Variants in CNTN5 observed in about 807,000 individuals in gnomAD.
The protein encoded by CNTN5 is contactin-5.
A neutral mutation model predicts 129.1 loss-of-function variants in CNTN5; 77 were observed. The ratio of observed to expected loss-of-function variants is 0.60; its 90% CI spans 0.50 to 0.72. The LOEUF (loss-of-function observed/expected upper bound fraction) is 0.72, where lower values mean the gene tolerates loss of function less well. CNTN5 is among the 30% of genes least tolerant of loss of function. CNTN5 has a pLI of 0.00. For missense variants in CNTN5, 1,478 were observed against 1,328.8 expected (o/e 1.11, Z -1.75); for synonymous variants, 509 against 465.6 (o/e 1.09, Z -1.20).
intron 2 of CNTN5, among the ~76,000 whole-genome samples, chr11:99,555,173 T>A (rs1948624535): frequency 6.6e-6 from 1 of 152,062 alleles, no homozygotes; most frequent in South Asian, 2.1e-4. Context: ...CGTGTCTATA[T>A]TTTTCAGATG....
chr11:99,276,254 A>G (rs901784058), intron 1 of CNTN5, among the ~76,000 whole-genome samples: 7 of 151,678 alleles, frequency 4.6e-5, no homozygotes, highest in Admixed American at 6.6e-5. Context: ...AGAAATTAAC[A>G]TTTTGTCAAA....
At chr11:99,184,456 C>T (rs1858238439) in intron 1 of CNTN5, among the ~76,000 whole-genome samples, 1 of 152,090 alleles carries the variant, frequency 6.6e-6, no homozygotes. Context: ...GGGAAATCTT[C>T]TCCAATCCTG....
chr11:99,277,371 T>A (rs187329931), intron 1 of CNTN5, among the ~76,000 whole-genome samples: 1 of 151,752 alleles, frequency 6.6e-6, no homozygotes, highest in East Asian at 2.0e-4. Flanking sequence ...TATATAGTCA[T>A]TTCCTAGACT....
intron 17 of CNTN5, among the ~76,000 whole-genome samples, chr11:100,257,134 G>T (rs563018308): frequency 6.6e-6 from 1 of 152,086 alleles, no homozygotes; most frequent in Non-Finnish European, 1.5e-5. Context: ...GGATTGAGTC[G>T]GTGGTTTACC....
At chr11:100,213,993 A>G (rs1332420868) in intron 15 of CNTN5, among the ~76,000 whole-genome samples, 1 of 152,152 alleles carries the variant, frequency 6.6e-6, no homozygotes, top group Non-Finnish European at 1.5e-5. Flanking sequence ...ACATAGTTGA[A>G]ATAATACAGC....
intron 1 of CNTN5, among the ~76,000 whole-genome samples, chr11:99,264,261 T>A (rs1456863226): frequency 6.6e-6 from 1 of 151,720 alleles, no homozygotes; most frequent in African/African-American, 2.4e-5. Flanking sequence ...ATTGTACCTT[T>A]CTTAGAATTT....
At chr11:99,704,477 G>A (rs1954666913) in intron 3 of CNTN5, among the ~76,000 whole-genome samples, 1 of 151,038 alleles carries the variant, frequency 6.6e-6, no homozygotes, top group Non-Finnish European at 1.5e-5. Context: ...ATTGAGCTAT[G>A]TTTTGGTCTG....
intron 20 of CNTN5, among the ~76,000 whole-genome samples, chr11:100,303,484 C>A (rs1300048626): frequency 6.6e-6 from 1 of 151,532 alleles, no homozygotes; most frequent in Non-Finnish European, 1.5e-5. Flanking sequence ...AGAACTGGAG[C>A]ATTCAATTAA....
Position 99,916,014 on chromosome 11 carries a change from C to T in CNTN5, c.578-40C>T, listed in dbSNP as rs1003801217. 7 of 1,473,196 alleles carry T rather than the reference C, an allele frequency of 4.8e-6. No homozygotes were observed. In the Admixed American group the frequency reaches 1.1e-4, roughly 23 times the overall value. The allele number at this position is 1,473,196 out of a possible 1,614,324, so 91.3% of individuals were successfully genotyped here. ...TACAATCATAGCAATTCTTTACATT[C>T]TTTTCTGCCTTGGATCTAAATGTTT... is the stretch of plus-strand genomic sequence containing the variant. On this transcript the variant is annotated intron_variant, in intron 6 of 24. Coordinates refer to ENST00000524871, the MANE Select transcript of CNTN5 (RefSeq NM_014361.4).
intron 3 of CNTN5, among the ~76,000 whole-genome samples, chr11:99,678,051 T>G (rs1403211322): frequency 2.0e-5 from 3 of 152,248 alleles, no homozygotes; most frequent in African/African-American, 7.2e-5. Context: ...TGATTTTTGA[T>G]ACTTATATGT....
chr11:99,766,645 A>C (rs1172981770), intron 3 of CNTN5, among the ~76,000 whole-genome samples: 1 of 152,056 alleles, frequency 6.6e-6, no homozygotes, highest in Non-Finnish European at 1.5e-5. Context: ...TAACACTTTT[A>C]TTAATACCCC....
rs147183983 is a variant in CNTN5, at chr11:100,332,354, CAA to C, written c.2731-8101_2731-8100del. On this transcript the variant is annotated intron_variant, in intron 21 of 24. Transcript: ENST00000524871. ...AAAATGGTTATTTAAAAATTGCCAA[CAA>C]AAAAAAAGTCGAGGATCACATGGAT... is the stretch of plus-strand genomic sequence containing the variant. Among the ~76,000 whole-genome samples, 3,123 of 150,246 alleles carry C rather than the reference CAA, an allele frequency of 0.021. 164 individuals carry two copies. The East Asian group carries it at 0.23, about 11-fold the overall frequency.
chr11:99,633,668 G>C (rs983051659), intron 3 of CNTN5, among the ~76,000 whole-genome samples: 1 of 152,138 alleles, frequency 6.6e-6, no homozygotes, highest in African/African-American at 2.4e-5. Flanking sequence ...ATTTAATAGA[G>C]ATATACCCTC....
chr11:100,091,772 G>C (rs1414873360), intron 13 of CNTN5, among the ~76,000 whole-genome samples: 2 of 151,928 alleles, frequency 1.3e-5, no homozygotes, highest in Non-Finnish European at 2.9e-5. Flanking sequence ...ATTGAATCAG[G>C]GGGCTTGTTT....
intron 6 of CNTN5, among the ~76,000 whole-genome samples, chr11:99,871,775 A>G (rs1223799605): frequency 6.6e-6 from 1 of 152,086 alleles, no homozygotes; most frequent in Non-Finnish European, 1.5e-5. Flanking sequence ...CAAGAAGTCT[A>G]TGTTTAAATG....
chr11:99,830,240 A>T (rs113889625), intron 4 of CNTN5, among the ~76,000 whole-genome samples: 184 of 152,290 alleles, frequency 1.2e-3, no homozygotes, highest in African/African-American at 3.8e-3. Context: ...GGCTAAGCAC[A>T]TAATTTTGCT....
chr11:99,557,069 G>A (rs1432930802), intron 3 of CNTN5, among the ~76,000 whole-genome samples: 1 of 151,212 alleles, frequency 6.6e-6, no homozygotes, highest in Non-Finnish European at 1.5e-5. Flanking sequence ...TAGGTAGTAT[G>A]TATGGTAAGA....
intron 2 of CNTN5, among the ~76,000 whole-genome samples, chr11:99,486,701 A>G (rs1040894306): frequency 8.5e-5 from 13 of 152,134 alleles, no homozygotes; most frequent in African/African-American, 3.1e-4. Flanking sequence ...TCAAATGCAA[A>G]AACTGGACTG....
Position 99,792,569 on chromosome 11 carries a change from G to GTCTGTCTGTC in CNTN5, c.56-26974_56-26973insCTGTCTGTCT, listed in dbSNP as rs563876129. Among the ~76,000 whole-genome samples the GTCTGTCTGTC allele has an allele frequency of 3.9e-5, 3 of 77,794 alleles. No individual in the cohort carries two copies. The South Asian group carries it at 1.6e-3, about 43-fold the overall frequency. 51.0% of individuals were successfully genotyped at this position (77,794 alleles called of 152,430 possible). On this transcript the variant is annotated intron_variant, in intron 3 of 24. Coordinates refer to ENST00000524871, the MANE Select transcript of CNTN5 (RefSeq NM_014361.4). The stretch of plus-strand genomic sequence containing the variant: ...TGTGTGTGTGTGTGTGTGTGTGTGT[G>GTCTGTCTGTC]TGTGTGTCTGTCTGTCTGTCTGTCT...
Sources: gnomAD v4.1 joint callset for allele counts (sites outside exome capture counted in the v4.1 genomes callset) on GRCh38, gnomAD v4.1.1 for gene constraint, MANE v1.5 for transcripts, NCBI Gene and HGNC (gene_info 2026-07-23, HGNC 2026-07-21) for gene names.